Variants in NOL4 observed in about 807,000 individuals in gnomAD.
NOL4 encodes cancer/testis antigen 125.
NOL4 carries 17 observed loss-of-function variants against 75.9 expected under a neutral mutation model. The ratio of observed to expected loss-of-function variants is 0.22; its 90% CI spans 0.15 to 0.34. NOL4 has a LOEUF of 0.34. Ranked by LOEUF, NOL4 falls within the 10% of genes least tolerant of loss-of-function variation. The pLI, the probability that NOL4 is intolerant of heterozygous loss-of-function variation, is 1.00. For synonymous variants in NOL4, 292 were observed against 289.9 expected, an observed-to-expected ratio of 1.01 and a Z score of -0.07; for missense variants, 614 against 793.5, an observed-to-expected ratio of 0.77 and a Z score of 2.72.
In NOL4 at chr18:33,883,364, T is replaced by G; in HGVS notation, c.1603A>C (p.Thr535Pro). The G allele has an allele frequency of 6.2e-7, 1 of 1,613,310 alleles. No homozygotes were observed. The highest frequency in any genetic ancestry group is 8.5e-7 in the Non-Finnish European group (1 of 1,179,560). The change falls in exon 10 of 11, where the codon ACA (threonine) becomes CCA (proline). Residue 535 changes from threonine to proline, a missense_variant. Around this residue, in one of 9 missense-constraint regions of NOL4, gnomAD observed 128 missense variants for 159.9 expected, o/e 0.80. Transcript: ENST00000261592. ...KPEATQATYS[T>P]SAVPGSQDVL... is the part of the protein sequence containing the mutation. Reference sequence around the variant, plus strand: ...TCCTGTGAGCCTGGAACAGCTGATGTTGAGTAAGTGGCCTGGGTCGCCTCT... The same window carrying G: ...TCCTGTGAGCCTGGAACAGCTGATGGTGAGTAAGTGGCCTGGGTCGCCTCT...
intron 5 of NOL4, among the ~76,000 whole-genome samples, chr18:34,046,887 A>G (rs1426691124): frequency 6.6e-6 from 1 of 151,742 alleles, no homozygotes; most frequent in African/African-American, 2.4e-5. Flanking sequence ...TTCCTTTTGT[A>G]ATTTTTAAGG....
intron 2 of NOL4, among the ~76,000 whole-genome samples, chr18:34,107,083 A>G (rs1222590157): frequency 3.3e-5 from 5 of 152,178 alleles, no homozygotes; most frequent in African/African-American, 1.2e-4. Context: ...ATTGGCTTCC[A>G]CGGTCCTGAT....
intron 10 of NOL4, among the ~76,000 whole-genome samples, chr18:33,877,905 T>G (rs2064026804): frequency 2.0e-5 from 3 of 152,020 alleles, no homozygotes; most frequent in Non-Finnish European, 4.4e-5. Flanking sequence ...AGAGTGTATA[T>G]CTATACTTCA....
At chr18:34,153,211 G>A (rs1293963258) in intron 1 of NOL4, among the ~76,000 whole-genome samples, 1 of 151,716 alleles carries the variant, frequency 6.6e-6, no homozygotes, top group East Asian at 1.9e-4. Context: ...TGGTCATAAG[G>A]TATATTTATA....
intron 9 of NOL4, among the ~76,000 whole-genome samples, chr18:33,942,530 A>G (rs1448013194): frequency 1.3e-5 from 2 of 151,964 alleles, no homozygotes; most frequent in Admixed American, 1.3e-4. Flanking sequence ...TTGGCATACA[A>G]TAAATGATTA....
chr18:34,187,780 T>C (rs753303699), intron 1 of NOL4, among the ~76,000 whole-genome samples: 1 of 152,232 alleles, frequency 6.6e-6, no homozygotes, highest in Non-Finnish European at 1.5e-5. Context: ...CTTTTAGGTT[T>C]TAAAAATTTA....
chr18:34,153,655 T>G (rs2029865904), intron 1 of NOL4, among the ~76,000 whole-genome samples: 1 of 152,010 alleles, frequency 6.6e-6, no homozygotes, highest in Non-Finnish European at 1.5e-5. Flanking sequence ...AAAGAGTGAT[T>G]AGCCAAATCA....
chr18:34,219,098 T>G (rs1234486707), intron 1 of NOL4, among the ~76,000 whole-genome samples: 2 of 151,898 alleles, frequency 1.3e-5, no homozygotes, highest in Non-Finnish European at 2.9e-5. Flanking sequence ...AGGCTACAGA[T>G]TGCAGAACTG....
chr18:33,937,055 C>A (rs1007300955), intron 9 of NOL4, among the ~76,000 whole-genome samples: 1 of 152,008 alleles, frequency 6.6e-6, no homozygotes, highest in Admixed American at 6.6e-5. Context: ...CGAAATCTGG[C>A]TGCCCCTTTT....
chr18:33,970,725 T>TTGTGTGTGTGTGTGTGTGTG (rs34125584), intron 6 of NOL4, among the ~76,000 whole-genome samples: 5 of 146,932 alleles, frequency 3.4e-5, no homozygotes, highest in African/African-American at 1.2e-4. Context: ...TTCAAGCTAT[T>TTGTGTGTGTGTGTGTGTGTG]TGTGTGTGTG....
intron 9 of NOL4, 126 bp downstream of exon 9, chr18:33,942,939 A>T: frequency 1.6e-6 from 1 of 617,368 alleles, no homozygotes; most frequent in Admixed American, 2.9e-5. Context: ...TATCATAAGG[A>T]CACAAAAACT....
chr18:34,189,949 A>G (rs1000284562), intron 1 of NOL4, among the ~76,000 whole-genome samples: 4 of 151,156 alleles, frequency 2.6e-5, no homozygotes, highest in Admixed American at 1.3e-4. Context: ...TCTTTTTTAG[A>G]GTTACAATTC....
rs118145364 is a variant in NOL4, at chr18:34,192,014, T to C, written c.264+30976A>G. Among the ~76,000 whole-genome samples, 1,334 of 152,304 alleles carry C rather than the reference T, an allele frequency of 8.8e-3. 4 individuals are homozygous for C. Among genetic ancestry groups the C allele is most frequent in the Middle Eastern group, 0.034 (10 of 294 alleles). ...TAGCTTAGGTAAAGGAGATACTGTT[T>C]GTTGTGATGTGCTAAGCTATCAGAT... On this transcript the variant is annotated intron_variant, in intron 1 of 10. Coordinates refer to ENST00000261592, the MANE Select transcript of NOL4 (RefSeq NM_003787.5).
intron 9 of NOL4, among the ~76,000 whole-genome samples, chr18:33,890,346 T>G (rs572727432): frequency 6.6e-6 from 1 of 152,218 alleles, no homozygotes; most frequent in Non-Finnish European, 1.5e-5. Context: ...CAAGGAGAAC[T>G]GCAAACCACT....
intron 6 of NOL4, among the ~76,000 whole-genome samples, chr18:33,977,401 T>G (rs2071578711): frequency 6.6e-6 from 1 of 152,112 alleles, no homozygotes; most frequent in Non-Finnish European, 1.5e-5. Flanking sequence ...AGTGAATAAG[T>G]CTCATGAGAT....
chr18:33,935,297 C>G (rs561665651), intron 9 of NOL4, among the ~76,000 whole-genome samples: 1 of 152,114 alleles, frequency 6.6e-6, no homozygotes, highest in Non-Finnish European at 1.5e-5. Context: ...TTTAATCATT[C>G]TAGCTTTTGA....
At chr18:33,967,557 A>G (rs1326335817) in intron 6 of NOL4, among the ~76,000 whole-genome samples, 2 of 152,196 alleles carry the variant, frequency 1.3e-5, no homozygotes, top group Non-Finnish European at 2.9e-5. Context: ...AAATGTTCAT[A>G]AACTATTCAT....
intron 6 of NOL4, among the ~76,000 whole-genome samples, chr18:33,971,235 C>G (rs962308530): frequency 2.0e-5 from 3 of 152,164 alleles, no homozygotes; most frequent in Admixed American, 6.5e-5. Context: ...TCCCAAACAC[C>G]TGTGTGGCAT....
chr18:33,864,830 T>G (rs1374766000), intron 10 of NOL4, among the ~76,000 whole-genome samples: 1 of 152,118 alleles, frequency 6.6e-6, no homozygotes, highest in African/African-American at 2.4e-5. Context: ...AAACTTACAA[T>G]CATGGCAGAA....
Sources: gnomAD v4.1 joint callset for allele counts (sites outside exome capture counted in the v4.1 genomes callset) on GRCh38, gnomAD v4.1.1 for gene constraint, gnomAD v4.1.1 regional missense constraint, MANE v1.5 for transcripts, NCBI Gene and HGNC (gene_info 2026-07-23, HGNC 2026-07-21) for gene names.